The following HS2ST1 variants were observed in gnomAD, a reference collection of about 807,000 sequenced individuals.
HS2ST1 encodes heparan sulfate 2-O-sulfotransferase 1, also known as 2-O-sulfotransferase.
A neutral mutation model predicts 42.9 loss-of-function variants in HS2ST1; 18 were observed. The observed-to-expected ratio is 0.42, with a 90% CI of 0.29 to 0.62. HS2ST1 has a LOEUF of 0.62. Ranked by LOEUF, HS2ST1 falls within the 20% of genes least tolerant of loss-of-function variation. The probability of loss-of-function intolerance (pLI) is 0.21; values close to 1 mark genes in which losing one functional copy is unlikely to be tolerated. For synonymous variants in HS2ST1, 146 were observed against 152.9 expected, an observed-to-expected ratio of 0.95 and a Z score of 0.33; for missense variants, 334 against 433.8, an observed-to-expected ratio of 0.77 and a Z score of 2.04.
At chr1:86,969,514 A>G (rs1648166740) in intron 1 of HS2ST1, among the ~76,000 whole-genome samples, 3 of 152,208 alleles carry the variant, frequency 2.0e-5, no homozygotes, top group Admixed American at 2.0e-4. Flanking sequence ...TAAGAGCTAG[A>G]CTTTCATAAT....
intron 3 of HS2ST1, among the ~76,000 whole-genome samples, chr1:87,090,917 G>A (rs1330396320): frequency 6.6e-6 from 1 of 151,846 alleles, no homozygotes; most frequent in Non-Finnish European, 1.5e-5. Context: ...ATGTTTGCAT[G>A]GTACCTTCCT....
chr1:86,950,544 A>C lies in HS2ST1; in HGVS notation c.124+35384A>C, dbSNP rs114671083. Among the ~76,000 whole-genome samples the C allele has an allele frequency of 8.0e-3, 1,221 of 152,316 alleles. 24 individuals carry two copies. Among genetic ancestry groups the C allele is most frequent in the African/African-American group, 0.029 (1,186 of 41,570 alleles). ...GTAGAATGGATTTGAATGGTGTAAT[A>C]TGAATATTAAATTTTCTGAGTGATA... On this transcript the variant is annotated intron_variant, in intron 1 of 6. Coordinates refer to ENST00000370550, the MANE Select transcript of HS2ST1 (RefSeq NM_012262.4).
rs78316113 is a variant in HS2ST1 at position 87,071,359 on chromosome 1, A to G, written c.125-1575A>G. On this transcript the variant is annotated intron_variant, in intron 1 of 6. Transcript: ENST00000370550. ...GTTGTCAGCATCATAGGGGACACTA[A>G]TAACCACACATACAATGTAAAACTG... 6.8e-3 allele frequency among the ~76,000 whole-genome samples: 1,042 copies of G among 152,346 alleles called. 20 individuals carry two copies. The highest frequency in any genetic ancestry group is 0.024 in the African/African-American group (1,011 of 41,588).
intron 1 of HS2ST1, among the ~76,000 whole-genome samples, chr1:86,991,930 A>G (rs887462405): frequency 4.6e-5 from 7 of 152,128 alleles, no homozygotes; most frequent in African/African-American, 1.2e-4. Flanking sequence ...AGGGTCCCCA[A>G]CCCCAGCGCC....
intron 1 of HS2ST1, among the ~76,000 whole-genome samples, chr1:87,038,432 C>CT (rs1294410943): frequency 2.0e-5 from 3 of 152,020 alleles, no homozygotes; most frequent in African/African-American, 7.2e-5. Context: ...ATTTAGGGTA[C>CT]TGTTGTAAAA....
At chr1:86,945,992 A>G (rs1261194983) in intron 1 of HS2ST1, among the ~76,000 whole-genome samples, 1 of 152,220 alleles carries the variant, frequency 6.6e-6, no homozygotes, top group Admixed American at 6.5e-5. Flanking sequence ...TGTATGTTCA[A>G]AGAGGTTTTC....
At chr1:86,959,801 C>T (rs1647780676) in intron 1 of HS2ST1, among the ~76,000 whole-genome samples, 1 of 152,080 alleles carries the variant, frequency 6.6e-6, no homozygotes, top group Non-Finnish European at 1.5e-5. Flanking sequence ...AATCGAAGAT[C>T]TAAATAAACA....
chr1:87,083,886 C>T (rs1651752651), intron 2 of HS2ST1, among the ~76,000 whole-genome samples: 1 of 152,072 alleles, frequency 6.6e-6, no homozygotes, highest in African/African-American at 2.4e-5. Flanking sequence ...TAGATACATA[C>T]ACCCCCACAA....
intron 1 of HS2ST1, among the ~76,000 whole-genome samples, chr1:86,971,364 A>T (rs1034078488): frequency 6.6e-6 from 1 of 152,178 alleles, no homozygotes; most frequent in African/African-American, 2.4e-5. Flanking sequence ...TGAGCTACCC[A>T]AGCATCCTTC....
At chr1:87,041,078 A>G (rs1222042788) in intron 1 of HS2ST1, among the ~76,000 whole-genome samples, 1 of 152,100 alleles carries the variant, frequency 6.6e-6, no homozygotes, top group Non-Finnish European at 1.5e-5. Context: ...CAGTTTTTAC[A>G]TCAGTGTTTT....
At chr1:86,997,674 C>A (rs1167260131) in intron 1 of HS2ST1, among the ~76,000 whole-genome samples, 3 of 152,060 alleles carry the variant, frequency 2.0e-5, no homozygotes, top group Non-Finnish European at 4.4e-5. Context: ...TTCTAAGACC[C>A]CCCAGTAGAT....
intron 1 of HS2ST1, among the ~76,000 whole-genome samples, chr1:87,037,026 T>G (rs940346651): frequency 1.3e-5 from 2 of 152,130 alleles, no homozygotes; most frequent in Non-Finnish European, 2.9e-5. Flanking sequence ...GCTAGGGTTC[T>G]TTTTCCTGTT....
At chr1:87,056,208 T>C (rs934884753) in intron 1 of HS2ST1, among the ~76,000 whole-genome samples, 5 of 152,196 alleles carry the variant, frequency 3.3e-5, no homozygotes, top group East Asian at 1.9e-4. Flanking sequence ...CAGGTTGTTA[T>C]GAAGCAAGAT....
intron 1 of HS2ST1, among the ~76,000 whole-genome samples, chr1:86,968,869 A>G (rs1648146187): frequency 1.3e-5 from 2 of 152,232 alleles, no homozygotes; most frequent in South Asian, 4.1e-4. Flanking sequence ...TGAATGTTGT[A>G]AACTAATTTT....
intron 1 of HS2ST1, among the ~76,000 whole-genome samples, chr1:87,009,726 G>A (rs1213201801): frequency 1.3e-5 from 2 of 152,008 alleles, no homozygotes; most frequent in Non-Finnish European, 2.9e-5. Context: ...CAGGACCTGT[G>A]TCATGGCTCT....
chr1:87,026,584 T>G (rs1281501986), intron 1 of HS2ST1, among the ~76,000 whole-genome samples: 1 of 152,174 alleles, frequency 6.6e-6, no homozygotes, highest in South Asian at 2.1e-4. Flanking sequence ...ACGGGATATA[T>G]TGGCAGAGTT....
chr1:86,939,663 TC>T (rs1433962619), intron 1 of HS2ST1, among the ~76,000 whole-genome samples: 5 of 152,194 alleles, frequency 3.3e-5, no homozygotes, highest in Non-Finnish European at 7.3e-5. Flanking sequence ...GCGCCTCAGT[TC>T]CTATGTGCAC....
chr1:86,965,353 TC>T (rs1266923883), intron 1 of HS2ST1, among the ~76,000 whole-genome samples: 4 of 152,034 alleles, frequency 2.6e-5, no homozygotes, highest in Non-Finnish European at 5.9e-5. Flanking sequence ...GGTGGGCTTT[TC>T]CCCCCTCTGC....
intron 1 of HS2ST1, among the ~76,000 whole-genome samples, chr1:86,964,936 A>C (rs1338076452): frequency 1.3e-5 from 2 of 152,188 alleles, no homozygotes; most frequent in Non-Finnish European, 2.9e-5. Flanking sequence ...TTTTTCTAGT[A>C]GTCATGGTAG....
Sources: gnomAD v4.1 joint callset for allele counts (sites outside exome capture counted in the v4.1 genomes callset) on GRCh38, gnomAD v4.1.1 for gene constraint, MANE v1.5 for transcripts, NCBI Gene and HGNC (gene_info 2026-07-23, HGNC 2026-07-21) for gene names.